RPGR: variants seen among roughly 807,000 people sequenced by gnomAD.
RPGR encodes X-linked retinitis pigmentosa GTPase regulator.
RPGR carries 10 observed loss-of-function variants against 56.3 expected under a neutral mutation model. The ratio of observed to expected loss-of-function variants is 0.18; its 90% CI spans 0.11 to 0.30. The LOEUF (loss-of-function observed/expected upper bound fraction) is 0.30. Among genes scored for constraint, RPGR ranks in the 10% least tolerant of loss-of-function variants. RPGR has a pLI of 1.00. For missense variants in RPGR, 538 were observed against 590.9 expected, an observed-to-expected ratio of 0.91 and a Z score of 0.93; for synonymous variants, 197 against 212.9, an observed-to-expected ratio of 0.93 and a Z score of 0.65.
chrX:38,284,793 A>G, intron 15 of RPGR: 1 of 734,718 alleles, frequency 1.4e-6, no homozygotes, highest in Non-Finnish European at 1.6e-6. Context: ...CATTTTAGAG[A>G]TGAAGAAACT....
At position 38,287,229 on chromosome X, in the gene RPGR, C is replaced by G; in HGVS notation, c.1770G>C (p.Lys590Asn). Reference sequence around the variant, plus strand: ...TTCCTTTTGAATCCTCTGCTCCTTCCTTCTCCTCTGGGATCTCTGACAAGC... The same window carrying G: ...TTCCTTTTGAATCCTCTGCTCCTTCGTTCTCCTCTGGGATCTCTGACAAGC... The change falls in exon 15 of 19, where the codon AAG (lysine) becomes AAC (asparagine). Residue 590 changes from lysine to asparagine, a missense_variant. By Grantham distance (94) the Lys-to-Asn change is moderately conservative (BLOSUM62 0). Transcript: ENST00000642395. 2 of 1,210,256 alleles carry G rather than the reference C, an allele frequency of 1.7e-6. No individual in the cohort carries two copies. Among genetic ancestry groups the G allele is most frequent in the Non-Finnish European group, 2.2e-6 (2 of 895,354 alleles).
chrX:38,274,906 T>TA (rs1314975874), intron 17 of RPGR, among the ~76,000 whole-genome samples: 1 of 112,406 alleles, frequency 8.9e-6, no homozygotes, highest in Non-Finnish European at 1.9e-5. Context: ...TGGTTATATA[T>TA]AAGAACAGAT....
rs1173933203 is a variant in RPGR at position 38,288,753 on chromosome X, T to G, written c.1573-712A>C. On this transcript the variant is annotated intron_variant, in intron 13 of 18. Transcript: ENST00000642395. ...CTTATACATAGTACAGCTTAGTATA[T>G]TTTTCCCACTTTCCCGATCATCTTT... Among the ~76,000 whole-genome samples, 3 of 111,750 alleles carry G rather than the reference T, an allele frequency of 2.7e-5. No homozygotes were observed. In the East Asian group the frequency reaches 8.5e-4, roughly 32 times the overall value.
intron 7 of RPGR, chrX:38,308,374 C>T (rs1025967099): frequency 8.0e-5 from 9 of 111,948 alleles, no homozygotes; most frequent in African/African-American, 2.9e-4. Context: ...GTCTTTAAAA[C>T]CACACGAAAA....
In RPGR at chrX:38,317,372, A is replaced by G. The variant is rs909498238; in HGVS notation, c.563T>C (p.Ile188Thr). The G allele has an allele frequency of 3.3e-6, 4 of 1,207,453 alleles. No homozygotes were observed. Among genetic ancestry groups the G allele is most frequent in the Admixed American group, 2.2e-5 (1 of 45,652 alleles). ...AGAGATCCAGGAGACAGGTTTCCCA[A>G]TGGTCACTTGCTGAGGGACACAGAC... The change falls in exon 6 of 19, where the codon ATT becomes ACT. Residue 188 changes from isoleucine (I) to threonine (T), a missense_variant. Coordinates refer to ENST00000642395, the MANE Select transcript of RPGR (RefSeq NM_000328.3).
intron 6 of RPGR, among the ~76,000 whole-genome samples, chrX:38,314,571 G>C: frequency 9.0e-6 from 1 of 111,410 alleles, no homozygotes; most frequent in Non-Finnish European, 1.9e-5. Flanking sequence ...TGAATCACTG[G>C]TTAAAATGCT....
intron 5 of RPGR, 106 bp from the exon 6 acceptor site, chrX:38,317,571 T>C: frequency 1.4e-6 from 1 of 711,275 alleles, no homozygotes; most frequent in Non-Finnish European, 2.1e-6. Context: ...ATAAAAATTA[T>C]GTATCTTAAC....
chrX:38,304,538 C>A, intron 8 of RPGR, 97 bp downstream of exon 8: 1 of 693,125 alleles, frequency 1.4e-6, no homozygotes. Context: ...CCATTAATTC[C>A]TTTACTTAAG....
Position 38,301,232 on chromosome X carries a change from A to G in RPGR, c.1059+15T>C. On this transcript the variant is annotated intron_variant, in intron 9 of 18. Coordinates refer to ENST00000642395, the MANE Select transcript of RPGR (RefSeq NM_000328.3). ...GTAATATGAAAATATAAACAGGGAA[A>G]TGTGATGCCCTTACCAATTTAACTA... The G allele has an allele frequency of 8.5e-7, 1 of 1,180,031 alleles. No individual in the cohort carries two copies. The highest frequency in any genetic ancestry group is 1.2e-6 in the Non-Finnish European group (1 of 869,327).
chrX:38,320,667 A>G (rs111791244), intron 4 of RPGR, among the ~76,000 whole-genome samples: 2,971 of 112,073 alleles, frequency 0.027, 54 homozygotes, highest in African/African-American at 0.071. Flanking sequence ...ACAAAAGCTC[A>G]TATGGATTTT....
chrX:38,319,071 A>G, intron 4 of RPGR, 84 bp from the exon 5 acceptor site: 5 of 976,572 alleles, frequency 5.1e-6, no homozygotes, highest in Admixed American at 2.3e-5. Context: ...GATTTCCTCT[A>G]TTAACAGTGA....
intron 1 of RPGR, among the ~76,000 whole-genome samples, chrX:38,325,102 G>A (rs963731261): frequency 4.8e-5 from 5 of 105,056 alleles, no homozygotes; most frequent in Middle Eastern, 4.9e-3. Flanking sequence ...CCCCAGAGGC[G>A]GAGGTTGCAG....
In RPGR at chrX:38,285,603, G is replaced by T. The variant is rs12687163; in HGVS notation, c.1905+1491C>A. The stretch of plus-strand genomic sequence containing the variant: ...AGAACTTTTTGGAACCTGATGGCCC[G>T]TTTTTTAAAAGTCGTTTTGACTGGA... On this transcript the variant is annotated intron_variant, in intron 15 of 18. Transcript: ENST00000642395. 25 of 1,209,021 alleles carry T rather than the reference G, an allele frequency of 2.1e-5. No homozygotes were observed. Among genetic ancestry groups the T allele is most frequent in the Non-Finnish European group, 1.1e-5 (10 of 894,995 alleles).
chrX:38,276,021 T>C (rs1006459932), intron 16 of RPGR, among the ~76,000 whole-genome samples: 1 of 112,091 alleles, frequency 8.9e-6, no homozygotes, highest in Non-Finnish European at 1.9e-5. Flanking sequence ...AAACTGCCAA[T>C]GGAAGAGATT....
chrX:38,321,149 G>A (rs776460880), intron 3 of RPGR, 60 bp from the exon 4 acceptor site: 25 of 845,248 alleles, frequency 3.0e-5, no homozygotes, highest in Non-Finnish European at 4.0e-5. Flanking sequence ...AGTAGTCCAG[G>A]ACAAATGGTA....
chrX:38,299,961 T>A (rs191347973), intron 9 of RPGR, among the ~76,000 whole-genome samples: 118 of 111,409 alleles, frequency 1.1e-3, no homozygotes, highest in African/African-American at 3.7e-3. Flanking sequence ...TTTTTTCTTT[T>A]TTTTTGAGAT....
chrX:38,301,446 T>A, intron 8 of RPGR, 75 bp from the exon 9 acceptor site: 1 of 928,256 alleles, frequency 1.1e-6, no homozygotes, highest in South Asian at 2.1e-5. Context: ...GATAAACATG[T>A]TAACTCATAC....
chrX:38,316,343 G>T (rs2067828926), intron 6 of RPGR, among the ~76,000 whole-genome samples: 1 of 111,233 alleles, frequency 9.0e-6, no homozygotes. Flanking sequence ...AATGCCTGTT[G>T]GTTAAGATGA....
intron 15 of RPGR, among the ~76,000 whole-genome samples, 196 bp downstream of exon 15, chrX:38,284,212 C>T (rs905309556): frequency 9.0e-6 from 1 of 111,202 alleles, no homozygotes; most frequent in Middle Eastern, 4.2e-3. Context: ...CTCTCATGCC[C>T]AGGATATAAA....
Sources: gnomAD v4.1 joint callset for allele counts (sites outside exome capture counted in the v4.1 genomes callset) on GRCh38, gnomAD v4.1.1 for gene constraint, MANE v1.5 for transcripts, NCBI Gene and HGNC (gene_info 2026-07-23, HGNC 2026-07-21) for gene names.